The following HS6ST2 variants were observed in gnomAD, a reference collection of about 807,000 sequenced individuals.
The protein encoded by HS6ST2 is heparan-sulfate 6-O-sulfotransferase 2.
A neutral mutation model predicts 33.0 loss-of-function variants in HS6ST2; 17 were observed. The ratio of observed to expected loss-of-function variants is 0.52; its 90% CI spans 0.35 to 0.77. The LOEUF (loss-of-function observed/expected upper bound fraction) is 0.77, where lower values mean the gene tolerates loss of function less well. Among genes scored for constraint, HS6ST2 ranks in the 30% least tolerant of loss-of-function variants. The pLI, the probability that HS6ST2 is intolerant of heterozygous loss-of-function variation, is 0.01. For missense variants in HS6ST2, 519 were observed against 551.7 expected (o/e 0.94, Z 0.59); for synonymous variants, 248 against 237.1 (o/e 1.05, Z -0.42).
At chrX:132,828,739 TAC>T (rs1446985294) in intron 2 of HS6ST2, among the ~76,000 whole-genome samples, 1 of 64,656 alleles carries the variant, frequency 1.5e-5, no homozygotes, top group African/African-American at 6.1e-5. Flanking sequence ...CACACACACA[TAC>T]ACACACAAAC....
At chrX:132,684,718 TG>T (rs58813441) in intron 3 of HS6ST2, among the ~76,000 whole-genome samples, 33,410 of 110,623 alleles carry the variant, frequency 0.3, 3,965 homozygotes, top group Non-Finnish European at 0.35. Flanking sequence ...CAGTGTTATC[TG>T]CTGTCTACAT....
chrX:132,834,089 A>G (rs1293473467), intron 2 of HS6ST2, among the ~76,000 whole-genome samples: 1 of 111,042 alleles, frequency 9.0e-6, no homozygotes, highest in Non-Finnish European at 1.9e-5. Flanking sequence ...CCACTCCCTA[A>G]AAAGGTGACA....
At chrX:132,822,252 G>T (rs1209288554) in intron 2 of HS6ST2, among the ~76,000 whole-genome samples, 1 of 111,483 alleles carries the variant, frequency 9.0e-6, no homozygotes. Context: ...AGCTGGCTCT[G>T]TCGAGTAGGC....
chrX:132,828,047 C>T (rs2065541601), intron 2 of HS6ST2, among the ~76,000 whole-genome samples: 1 of 111,672 alleles, frequency 9.0e-6, no homozygotes, highest in African/African-American at 3.3e-5. Flanking sequence ...CTGCCCAATC[C>T]TAATCACTCT....
intron 2 of HS6ST2, among the ~76,000 whole-genome samples, chrX:132,713,566 C>G (rs1002773179): frequency 8.9e-5 from 10 of 111,781 alleles, no homozygotes; most frequent in African/African-American, 3.3e-4. Flanking sequence ...ACTGTTTGAC[C>G]GCTCTTAATT....
rs763440509 is a variant in HS6ST2, at chrX:132,958,447, C to G, written c.156G>C (p.Ala52=). Residue 52 remains alanine (A), a synonymous_variant, in exon 1 of 5, where the codon GCG becomes GCC. Transcript: ENST00000370833. ...RPGSVAASVR[A]GPPRGVSHGF... is the part of the protein sequence containing the mutation. The stretch of plus-strand genomic sequence containing the variant: ...CGTGAGACACACCCCTAGGAGGGCC[C>G]GCGCGAACTGAGGCGGCGACCGACC... 23 of 1,198,588 alleles carry G rather than the reference C, an allele frequency of 1.9e-5. No individual in the cohort carries two copies. Among genetic ancestry groups the G allele is most frequent in the Non-Finnish European group, 2.4e-5 (21 of 891,583 alleles).
chrX:132,772,183 T>C (rs1233876581), intron 2 of HS6ST2, among the ~76,000 whole-genome samples: 17 of 111,288 alleles, frequency 1.5e-4, no homozygotes, highest in Non-Finnish European at 3.0e-4. Context: ...TGTGTAAAAG[T>C]TGAACACACA....
chrX:132,868,391 G>C (rs1458323606), intron 2 of HS6ST2, among the ~76,000 whole-genome samples: 2 of 111,789 alleles, frequency 1.8e-5, no homozygotes, highest in Non-Finnish European at 3.8e-5. Context: ...AATTATCAAG[G>C]ATATTCAGGA....
chrX:132,626,969 G>A lies in HS6ST2; in HGVS notation c.*1254C>T, dbSNP rs2063484151. On this transcript the variant is annotated 3_prime_UTR_variant, in exon 5 of 5. Coordinates refer to ENST00000370833, the MANE Select transcript of HS6ST2 (RefSeq NM_001394073.1). ...TTTCAAAACAAAAACTTTGTAGAAG[G>A]GTTTGCCCACATTATCAAGGTGCTA... 8.9e-6 allele frequency: 1 copy of A among 112,133 alleles called. No homozygotes were observed. The allele number at this position is 112,133 out of a possible 1,213,427, so 9.2% of individuals were successfully genotyped here. A position where few individuals can be genotyped will look rare whatever the true frequency, so the allele number is the denominator to read the frequency against.
intron 2 of HS6ST2, among the ~76,000 whole-genome samples, chrX:132,787,472 T>C (rs1223274387): frequency 2.1e-5 from 2 of 97,405 alleles, no homozygotes; most frequent in African/African-American, 7.8e-5. Context: ...TTTGTATTTT[T>C]AGTAGAGATG....
chrX:132,637,889 ATTT>A (rs1248410347), intron 4 of HS6ST2, among the ~76,000 whole-genome samples: 8 of 55,950 alleles, frequency 1.4e-4, no homozygotes, highest in African/African-American at 9.2e-4. Flanking sequence ...TATATATAAT[ATTT>A]TATATATAAT....
chrX:132,759,838 T>C (rs1442394341), intron 2 of HS6ST2, among the ~76,000 whole-genome samples: 1 of 111,949 alleles, frequency 8.9e-6, no homozygotes, highest in Non-Finnish European at 1.9e-5. Flanking sequence ...AAACATTTAT[T>C]GATCACATGG....
intron 2 of HS6ST2, among the ~76,000 whole-genome samples, chrX:132,936,559 T>C (rs1950016005): frequency 1.8e-5 from 2 of 112,128 alleles, no homozygotes; most frequent in Admixed American, 1.9e-4. Context: ...TGAATATAGA[T>C]ACAGCTGGAG....
intron 2 of HS6ST2, among the ~76,000 whole-genome samples, chrX:132,768,977 AC>A (rs1205188131): frequency 4.5e-5 from 5 of 112,058 alleles, no homozygotes; most frequent in African/African-American, 1.6e-4. Context: ...CGAATCATCC[AC>A]CCTCCTGAAA....
intron 2 of HS6ST2, among the ~76,000 whole-genome samples, chrX:132,885,568 G>A (rs2066241561): frequency 9.0e-6 from 1 of 111,470 alleles, no homozygotes; most frequent in South Asian, 3.8e-4. Flanking sequence ...AGAATATACA[G>A]TCATAATAAT....
At chrX:132,798,663 G>T (rs2065208685) in intron 2 of HS6ST2, among the ~76,000 whole-genome samples, 2 of 111,678 alleles carry the variant, frequency 1.8e-5, no homozygotes, top group South Asian at 7.6e-4. Context: ...TTTTGAGTTT[G>T]CATAATAAAA....
intron 2 of HS6ST2, among the ~76,000 whole-genome samples, chrX:132,741,559 G>C (rs2064580744): frequency 9.0e-6 from 1 of 111,190 alleles, no homozygotes; most frequent in Non-Finnish European, 1.9e-5. Context: ...TGGGATTACA[G>C]GCATGAGCCA....
chrX:132,704,359 A>T (rs2148244276), intron 3 of HS6ST2, among the ~76,000 whole-genome samples: 1 of 112,057 alleles, frequency 8.9e-6, no homozygotes, highest in Admixed American at 9.4e-5. Context: ...GTCCAAGACC[A>T]GCCTGACCAA....
chrX:132,758,926 G>A (rs758945396), intron 2 of HS6ST2, among the ~76,000 whole-genome samples: 2 of 110,591 alleles, frequency 1.8e-5, no homozygotes, highest in Non-Finnish European at 1.9e-5. Flanking sequence ...AACCATCCCC[G>A]TGCAAAGAAG....
Sources: gnomAD v4.1 joint callset for allele counts (sites outside exome capture counted in the v4.1 genomes callset) on GRCh38, gnomAD v4.1.1 for gene constraint, MANE v1.5 for transcripts, NCBI Gene and HGNC (gene_info 2026-07-23, HGNC 2026-07-21) for gene names.